The following ZEB2 variants were observed in gnomAD, a reference collection of about 807,000 sequenced individuals.
ZEB2 encodes the protein zinc finger E-box-binding homeobox 2.
Under a neutral mutation model 99.9 loss-of-function variants are expected in ZEB2, and 6 were observed. That is an observed-to-expected ratio of 0.06 (90% CI 0.03 to 0.12). ZEB2 has a LOEUF of 0.12. Ranked by LOEUF, ZEB2 falls within the 10% of genes least tolerant of loss-of-function variation. The pLI, the probability that ZEB2 is intolerant of heterozygous loss-of-function variation, is 1.00. For synonymous variants in ZEB2, 517 were observed against 542.5 expected (o/e 0.95, Z 0.65); for missense variants, 969 against 1,502.8 (o/e 0.64, Z 5.87).
At chr2:144,435,925 C>A (rs1465704845) in intron 2 of ZEB2, among the ~76,000 whole-genome samples, 1 of 143,192 alleles carries the variant, frequency 7.0e-6, no homozygotes, top group Non-Finnish European at 1.5e-5. Flanking sequence ...TTATCATTGA[C>A]TTTTTTTTTT....
intron 4 of ZEB2, among the ~76,000 whole-genome samples, chr2:144,415,851 A>G (rs1274560886): frequency 6.6e-6 from 1 of 152,238 alleles, no homozygotes; most frequent in Non-Finnish European, 1.5e-5. Context: ...TTTGAAGTCG[A>G]AGTCGAAAGT....
chr2:144,397,948 A>C (rs1295038856), intron 8 of ZEB2: 1 of 360,530 alleles, frequency 2.8e-6, no homozygotes, highest in Non-Finnish European at 5.4e-6. Flanking sequence ...TCCTGTGTAC[A>C]TCTTTAAAAG....
At chr2:144,513,708 A>G in intron 2 of ZEB2, 3 of 1,536,044 alleles carry the variant, frequency 2.0e-6, no homozygotes, top group East Asian at 4.9e-5. Context: ...GGGCAAAAGC[A>G]ACAAACTTTG....
intron 2 of ZEB2, among the ~76,000 whole-genome samples, chr2:144,453,819 G>C (rs548683144): frequency 2.0e-5 from 3 of 152,144 alleles, no homozygotes; most frequent in Non-Finnish European, 4.4e-5. Context: ...TATTTTCAAA[G>C]AACTATTCTT....
chr2:144,413,318 C>G (rs1291444368), intron 4 of ZEB2, among the ~76,000 whole-genome samples: 2 of 152,218 alleles, frequency 1.3e-5, no homozygotes, highest in East Asian at 3.8e-4. Flanking sequence ...GAAGGAGGCA[C>G]TCAAGAAGCT....
At chr2:144,510,839 A>T (rs1346096850) in intron 2 of ZEB2, among the ~76,000 whole-genome samples, 1 of 152,178 alleles carries the variant, frequency 6.6e-6, no homozygotes, top group African/African-American at 2.4e-5. Flanking sequence ...TTCTCCCCTC[A>T]GGGGATGTTT....
chr2:144,506,870 C>CT (rs1704957773), intron 2 of ZEB2, among the ~76,000 whole-genome samples: 2 of 152,118 alleles, frequency 1.3e-5, no homozygotes, highest in Non-Finnish European at 2.9e-5. Context: ...ACAAAAATCA[C>CT]TATGTTGTCT....
chr2:144,481,079 G>A (rs551275846), intron 2 of ZEB2, among the ~76,000 whole-genome samples: 12 of 152,124 alleles, frequency 7.9e-5, no homozygotes, highest in African/African-American at 2.9e-4. Context: ...CTTAGACAAA[G>A]GCCAGCATTT....
chr2:144,494,221 C>T (rs1045414461), intron 2 of ZEB2: 5 of 149,286 alleles, frequency 3.3e-5, no homozygotes, highest in African/African-American at 1.2e-4. Context: ...TTCACACATG[C>T]ACAGACCCAA....
At chr2:144,408,194 G>A (rs879939395) in intron 4 of ZEB2, among the ~76,000 whole-genome samples, 1 of 152,152 alleles carries the variant, frequency 6.6e-6, no homozygotes, top group Non-Finnish European at 1.5e-5. Context: ...TGTATCCTGG[G>A]CATTGAATAT....
At chr2:144,480,283 A>G (rs1437865190) in intron 2 of ZEB2, among the ~76,000 whole-genome samples, 1 of 152,026 alleles carries the variant, frequency 6.6e-6, no homozygotes, top group African/African-American at 2.4e-5. Flanking sequence ...AGGTAAAATA[A>G]CTGGCTCCTT....
chr2:144,478,709 C>G (rs1057048865), intron 2 of ZEB2, among the ~76,000 whole-genome samples: 1 of 152,160 alleles, frequency 6.6e-6, no homozygotes, highest in Non-Finnish European at 1.5e-5. Flanking sequence ...TTTTTAAATT[C>G]AAATTATTCT....
At chr2:144,460,285 G>A (rs926923168) in intron 2 of ZEB2, among the ~76,000 whole-genome samples, 1 of 152,102 alleles carries the variant, frequency 6.6e-6, no homozygotes, top group Non-Finnish European at 1.5e-5. Flanking sequence ...GAACATCAAC[G>A]GCTAAGGTAT....
intron 2 of ZEB2, among the ~76,000 whole-genome samples, chr2:144,465,447 A>G (rs1340109493): frequency 6.6e-6 from 1 of 152,134 alleles, no homozygotes; most frequent in Non-Finnish European, 1.5e-5. Flanking sequence ...ATCCAGTCCT[A>G]TGTATGTACA....
chr2:144,463,319 A>G lies in ZEB2; in HGVS notation c.74-33293T>C, dbSNP rs554071357. On this transcript the variant is annotated intron_variant, in intron 2 of 9. Coordinates refer to ENST00000627532, the MANE Select transcript of ZEB2 (RefSeq NM_014795.4). The stretch of plus-strand genomic sequence containing the variant: ...TTTTGGACAGCCTGTGAAGGATGTA[A>G]CGAGATCTAATTGGGAATATAACAT... 6 of 152,278 alleles carry G rather than the reference A, an allele frequency of 3.9e-5. No homozygotes were observed. In the East Asian group the frequency reaches 1.2e-3, roughly 29 times the overall value. 9.4% of individuals were successfully genotyped at this position (152,278 alleles called of 1,614,324 possible). A position where few individuals can be genotyped will look rare whatever the true frequency, so the allele number is the denominator to read the frequency against.
rs1192456088 is a variant in ZEB2 at position 144,517,336 on chromosome 2, G to A, written c.15C>T (p.Ile5=). Reference sequence around the variant, plus strand: ...TCTTGCACCGGGGGCCATCCGCCATGATCGGCTGCTTCATTGATAAGAGCG... The same window carrying A: ...TCTTGCACCGGGGGCCATCCGCCATAATCGGCTGCTTCATTGATAAGAGCG... MKQP[I]MADGPRCKRR... Residue 5 remains isoleucine (I), a synonymous_variant, in exon 2 of 10, where the codon ATC becomes ATT. Transcript: ENST00000627532. 3.7e-6 allele frequency: 6 copies of A among 1,613,522 alleles called. No individual in the cohort carries two copies. The highest frequency in any genetic ancestry group is 5.1e-6 in the Non-Finnish European group (6 of 1,179,862).
chr2:144,394,954 T>G (rs1193268756), intron 9 of ZEB2, among the ~76,000 whole-genome samples: 1 of 150,246 alleles, frequency 6.7e-6, no homozygotes, highest in African/African-American at 2.4e-5. Flanking sequence ...ATCTAGGTAG[T>G]CAAAATATGA....
In ZEB2 at chr2:144,396,424, A is replaced by G; in HGVS notation, c.3055T>C (p.Tyr1019His). The change falls in exon 9 of 10, where the codon TAC becomes CAC. Residue 1019 changes from tyrosine (Y) to histidine (H), a missense_variant. By Grantham distance (83) the Tyr-to-His change is moderately conservative. Transcript: ENST00000627532. ...AAGTCACTCATACCTGTGTGTTCGT[A>G]TTTATGTCGCAGAAGGGAACTGCTT... ...QKSSSLLRHKYEHTGKRPHQC... is the reference protein window; with the variant it reads ...QKSSSLLRHKHEHTGKRPHQC... The G allele has an allele frequency of 6.2e-7, 1 of 1,613,510 alleles. No individual in the cohort carries two copies. Among genetic ancestry groups the G allele is most frequent in the Non-Finnish European group, 8.5e-7 (1 of 1,179,988 alleles).
intron 2 of ZEB2, among the ~76,000 whole-genome samples, chr2:144,467,188 T>C (rs940829813): frequency 3.3e-5 from 5 of 152,056 alleles, no homozygotes; most frequent in Non-Finnish European, 5.9e-5. Context: ...TGTCTTTGAA[T>C]TGTGGTAAAA....
Sources: allele counts gnomAD v4.1 joint callset (sites outside exome capture counted in the v4.1 genomes callset), GRCh38; gene constraint gnomAD v4.1.1; transcripts MANE v1.5; gene names NCBI Gene and HGNC (gene_info 2026-07-23, HGNC 2026-07-21).